ASB2: variants seen among roughly 807,000 people sequenced by gnomAD.
The protein encoded by ASB2 is ankyrin repeat and SOCS box protein 2.
ASB2 carries 58 observed loss-of-function variants against 62.4 expected under a neutral mutation model. The observed-to-expected ratio is 0.93, with a 90% CI of 0.75 to 1.16. ASB2 has a LOEUF of 1.16. ASB2 is among the 50% of genes most tolerant of loss of function. ASB2 has a pLI of 0.00. For synonymous variants in ASB2, 386 were observed against 385.3 expected (o/e 1.00, Z -0.02); for missense variants, 928 against 887.9 (o/e 1.05, Z -0.57).
intron 6 of ASB2, among the ~76,000 whole-genome samples, chr14:93,949,458 T>C (rs1426179807): frequency 1.3e-5 from 2 of 152,166 alleles, no homozygotes; most frequent in African/African-American, 2.4e-5. Context: ...AACAAAATAG[T>C]GTAAGCACAT....
chr14:93,941,681 CG>C, intron 7 of ASB2: 1 of 456,052 alleles, frequency 2.2e-6, no homozygotes, highest in Non-Finnish European at 4.4e-6. Flanking sequence ...TGCCCAAGAA[CG>C]GGAAAGAACA....
At chr14:93,947,609 G>A (rs1888781163) in intron 6 of ASB2, 89 bp from the exon 7 acceptor site, 1 of 1,365,382 alleles carries the variant, frequency 7.3e-7, no homozygotes, top group African/African-American at 1.4e-5. Context: ...GGCCTGCTGT[G>A]CTAACCACGG....
intron 3 of ASB2, chr14:93,955,347 C>T (rs1264003033): frequency 8.3e-6 from 3 of 359,296 alleles, no homozygotes; most frequent in Non-Finnish European, 1.6e-5. Flanking sequence ...TCCTGACTCT[C>T]AGACTCTGTG....
intron 7 of ASB2, among the ~76,000 whole-genome samples, chr14:93,945,889 C>T (rs1459422020): frequency 6.6e-6 from 1 of 152,214 alleles, no homozygotes; most frequent in Non-Finnish European, 1.5e-5. Context: ...GTGCTTCTCA[C>T]TCTCCTGCCT....
chr14:93,944,144 G>A (rs747459958), intron 7 of ASB2: 7 of 378,944 alleles, frequency 1.8e-5, no homozygotes, highest in African/African-American at 6.3e-5. Context: ...GCGCCATCTC[G>A]TCAGGTGGGG....
At chr14:93,943,768 T>G in intron 7 of ASB2, 1 of 353,412 alleles carries the variant, frequency 2.8e-6, no homozygotes, top group Non-Finnish European at 5.5e-6. Context: ...CTATGAAGTC[T>G]TGAGCTCTGA....
At chr14:93,938,994 C>T (rs926789785) in intron 8 of ASB2, 114 bp downstream of exon 8, 4 of 946,042 alleles carry the variant, frequency 4.2e-6, no homozygotes, top group Admixed American at 7.3e-5. Context: ...ATCACTAGTC[C>T]ACGCTGCTCC....
chr14:93,946,217 C>T (rs1888715027), intron 7 of ASB2, among the ~76,000 whole-genome samples: 1 of 152,226 alleles, frequency 6.6e-6, no homozygotes, highest in African/African-American at 2.4e-5. Flanking sequence ...AATCTCTTAA[C>T]TACCAGAGTC....
chr14:93,938,894 C>G (rs981399194), intron 8 of ASB2, among the ~76,000 whole-genome samples: 1 of 152,258 alleles, frequency 6.6e-6, no homozygotes, highest in African/African-American at 2.4e-5. Context: ...CCAAAGCGCC[C>G]TAAGCGCTAA....
At chr14:93,953,811 A>G (rs1265639350) in intron 4 of ASB2, among the ~76,000 whole-genome samples, 2 of 152,032 alleles carry the variant, frequency 1.3e-5, no homozygotes, top group East Asian at 3.9e-4. Context: ...GTTACATGCC[A>G]TGGTTTCTTG....
chr14:93,956,677 G>A, intron 3 of ASB2, 89 bp downstream of exon 3: 2 of 1,549,380 alleles, frequency 1.3e-6, no homozygotes, highest in Non-Finnish European at 1.8e-6. Context: ...TGCCCTCCTG[G>A]GGGCTGTGGG....
intron 1 of ASB2, among the ~76,000 whole-genome samples, chr14:93,973,683 C>A (rs1479860690): frequency 6.6e-6 from 1 of 152,234 alleles, no homozygotes; most frequent in Non-Finnish European, 1.5e-5. Context: ...TGCCTCCTGG[C>A]CCTGCCAGAG....
intron 2 of ASB2, among the ~76,000 whole-genome samples, chr14:93,962,940 C>T (rs1243713233): frequency 6.6e-6 from 1 of 152,232 alleles, no homozygotes; most frequent in Non-Finnish European, 1.5e-5. Context: ...GTTTCTGTTT[C>T]TCAGATTGGG....
intron 1 of ASB2, among the ~76,000 whole-genome samples, chr14:93,971,537 G>A (rs949024260): frequency 2.0e-4 from 30 of 152,284 alleles, no homozygotes; most frequent in South Asian, 2.1e-4. Context: ...TTTTGGTTAG[G>A]GTTCACTTGT....
intron 7 of ASB2, among the ~76,000 whole-genome samples, chr14:93,944,447 CGGCTCCTG>C (rs1167538739): frequency 6.6e-6 from 1 of 152,248 alleles, no homozygotes; most frequent in African/African-American, 2.4e-5. Flanking sequence ...AAACAGCCTT[CGGCTCCTG>C]GTGCTGCCTT....
At chr14:93,972,187 C>T (rs1198424093) in intron 1 of ASB2, among the ~76,000 whole-genome samples, 3 of 151,502 alleles carry the variant, frequency 2.0e-5, no homozygotes, top group Admixed American at 6.6e-5. Context: ...TGGGGACACA[C>T]GAGGAGTCAG....
At chr14:93,944,063 G>A (rs1475444419) in intron 7 of ASB2, 1 of 453,444 alleles carries the variant, frequency 2.2e-6, no homozygotes, top group Admixed American at 2.4e-5. Context: ...CTCTACCCAG[G>A]CTGCACAGTA....
chr14:93,949,215 A>G (rs1888854649), intron 6 of ASB2, among the ~76,000 whole-genome samples: 1 of 152,182 alleles, frequency 6.6e-6, no homozygotes, highest in South Asian at 2.1e-4. Flanking sequence ...TCATCTCTCT[A>G]AGCATGTTGC....
intron 2 of ASB2, among the ~76,000 whole-genome samples, chr14:93,961,312 T>C (rs566280539): frequency 3.3e-5 from 5 of 152,214 alleles, no homozygotes; most frequent in Non-Finnish European, 2.9e-5. Context: ...AGCCAGTAAG[T>C]GTAGAGGAAG....
Sources: gnomAD v4.1 joint callset for allele counts (sites outside exome capture counted in the v4.1 genomes callset) on GRCh38, gnomAD v4.1.1 for gene constraint, MANE v1.5 for transcripts, NCBI Gene and HGNC (gene_info 2026-07-23, HGNC 2026-07-21) for gene names.